ADAMTS3: variants seen among roughly 807,000 people sequenced by gnomAD.
ADAMTS3 encodes the protein A disintegrin and metalloproteinase with thrombospondin motifs 3.
ADAMTS3 carries 73 observed loss-of-function variants against 129.0 expected under a neutral mutation model. The ratio of observed to expected loss-of-function variants is 0.57; its 90% CI spans 0.47 to 0.69. The LOEUF is 0.69. Among genes scored for constraint, ADAMTS3 ranks in the 30% least tolerant of loss-of-function variants. ADAMTS3 has a pLI of 0.00. For synonymous variants in ADAMTS3, 477 were observed against 510.8 expected (o/e 0.93, Z 0.89); for missense variants, 1,457 against 1,514.5 (o/e 0.96, Z 0.63).
At chr4:72,297,851 A>G (rs1251828059) in intron 18 of ADAMTS3, among the ~76,000 whole-genome samples, 3 of 152,192 alleles carry the variant, frequency 2.0e-5, no homozygotes, top group Admixed American at 2.0e-4. Flanking sequence ...TTTCAAATAC[A>G]TAGCATAGTC....
chr4:72,537,601 TACAA>T (rs1194742449), intron 3 of ADAMTS3, among the ~76,000 whole-genome samples: 3 of 151,680 alleles, frequency 2.0e-5, no homozygotes, highest in Non-Finnish European at 2.9e-5. Flanking sequence ...CTACAACAAC[TACAA>T]ACAAATAAAC....
intron 2 of ADAMTS3, among the ~76,000 whole-genome samples, chr4:72,563,863 A>C (rs1304954296): frequency 1.3e-5 from 2 of 152,166 alleles, no homozygotes; most frequent in Non-Finnish European, 1.5e-5. Context: ...GCACTGTTTT[A>C]TGTACTAGAG....
chr4:72,538,331 A>G (rs541384487), intron 3 of ADAMTS3, among the ~76,000 whole-genome samples: 1 of 152,328 alleles, frequency 6.6e-6, no homozygotes, highest in Non-Finnish European at 1.5e-5. Context: ...CTCATACCAA[A>G]ATACATTGTA....
At chr4:72,421,998 A>G (rs1410331309) in intron 3 of ADAMTS3, among the ~76,000 whole-genome samples, 1 of 152,188 alleles carries the variant, frequency 6.6e-6, no homozygotes, top group African/African-American at 2.4e-5. Context: ...CTCAAAGACC[A>G]TGCACTGTCA....
In ADAMTS3 at chr4:72,305,861, C is replaced by G. The variant is rs555884906; in HGVS notation, c.2260+126G>C. 9 of 781,158 alleles carry G rather than the reference C, an allele frequency of 1.2e-5. No individual in the cohort carries two copies. In the South Asian group the frequency reaches 1.4e-4, roughly 13 times the overall value. 48.4% of individuals were successfully genotyped at this position (781,158 alleles called of 1,614,324 possible). A position where few individuals can be genotyped will look rare whatever the true frequency, so the allele number is the denominator to read the frequency against. ...GCACATGTACGTACATATACGTATG[C>G]ACATGTATGTACATATACGTATGCA... On this transcript the variant is annotated intron_variant, in intron 16 of 21. Coordinates refer to ENST00000286657, the MANE Select transcript of ADAMTS3 (RefSeq NM_014243.3).
chr4:72,558,734 T>C (rs968005393), intron 2 of ADAMTS3, among the ~76,000 whole-genome samples: 5 of 151,714 alleles, frequency 3.3e-5, no homozygotes, highest in African/African-American at 1.2e-4. Flanking sequence ...TCCTTTTTCT[T>C]TAACTGCACA....
intron 11 of ADAMTS3, among the ~76,000 whole-genome samples, chr4:72,315,137 T>G (rs542220701): frequency 7.9e-5 from 12 of 152,280 alleles, no homozygotes; most frequent in Non-Finnish European, 5.9e-5. Flanking sequence ...CTGGGCAACT[T>G]TCACAAGGAA....
chr4:72,353,408 T>C (rs1720494412), intron 4 of ADAMTS3, among the ~76,000 whole-genome samples: 1 of 152,054 alleles, frequency 6.6e-6, no homozygotes, highest in South Asian at 2.1e-4. Context: ...ATGGAGACAC[T>C]GTAAAAACAG....
chr4:72,472,863 GAC>G (rs1223247654), intron 3 of ADAMTS3, among the ~76,000 whole-genome samples: 1 of 152,086 alleles, frequency 6.6e-6, no homozygotes, highest in African/African-American at 2.4e-5. Flanking sequence ...TTCATGTTAA[GAC>G]ACAAGTCAAT....
intron 6 of ADAMTS3, among the ~76,000 whole-genome samples, chr4:72,321,326 C>G (rs1719549268): frequency 6.6e-6 from 1 of 150,572 alleles, no homozygotes; most frequent in Non-Finnish European, 1.5e-5. Flanking sequence ...CGCCCACCAC[C>G]ATTCCTGGCT....
At chr4:72,370,663 T>C (rs113609234) in intron 4 of ADAMTS3, among the ~76,000 whole-genome samples, 8,805 of 152,080 alleles carry the variant, frequency 0.058, 883 homozygotes, top group African/African-American at 0.2. Flanking sequence ...GGCAGAAGAA[T>C]TGCTTGAACC....
chr4:72,317,897 T>C (rs1719441625), intron 10 of ADAMTS3, among the ~76,000 whole-genome samples: 1 of 151,840 alleles, frequency 6.6e-6, no homozygotes, highest in South Asian at 2.1e-4. Flanking sequence ...GCGGTGGTGG[T>C]GCATGCCTGT....
chr4:72,446,098 GC>G (rs966946195), intron 3 of ADAMTS3, among the ~76,000 whole-genome samples: 4 of 151,608 alleles, frequency 2.6e-5, no homozygotes, highest in Non-Finnish European at 5.9e-5. Context: ...GACCTCAAGG[GC>G]CCCAGGACTT....
chr4:72,301,343 G>T (rs1290456875), intron 17 of ADAMTS3, among the ~76,000 whole-genome samples: 1 of 152,002 alleles, frequency 6.6e-6, no homozygotes, highest in Non-Finnish European at 1.5e-5. Context: ...AGAATGAAAA[G>T]ACAACCTATG....
intron 20 of ADAMTS3, among the ~76,000 whole-genome samples, chr4:72,290,325 G>A (rs968915925): frequency 2.3e-4 from 35 of 152,178 alleles, no homozygotes; most frequent in African/African-American, 7.2e-4. Flanking sequence ...GAACTGCCAG[G>A]AAAGGTACCA....
At chr4:72,541,529 G>C (rs1395548335) in intron 3 of ADAMTS3, among the ~76,000 whole-genome samples, 2 of 152,202 alleles carry the variant, frequency 1.3e-5, no homozygotes, top group Non-Finnish European at 2.9e-5. Context: ...GCGGAGGCCA[G>C]GGTGGAATGA....
chr4:72,402,902 A>G (rs865930243), intron 4 of ADAMTS3, among the ~76,000 whole-genome samples: 1 of 152,096 alleles, frequency 6.6e-6, no homozygotes, highest in South Asian at 2.1e-4. Flanking sequence ...TACGTTAATC[A>G]AAATATATTT....
intron 20 of ADAMTS3, 59 bp from the exon 21 acceptor site, chr4:72,288,927 C>G (rs370330341): frequency 5.6e-5 from 11 of 195,214 alleles, no homozygotes; most frequent in Non-Finnish European, 9.5e-5. Context: ...TGCACATACA[C>G]ACACACACAC....
intron 11 of ADAMTS3, among the ~76,000 whole-genome samples, chr4:72,315,355 C>T (rs1197096875): frequency 1.3e-5 from 2 of 152,092 alleles, no homozygotes; most frequent in African/African-American, 4.8e-5. Context: ...GAGATTATCC[C>T]AGATTATCCA....
Sources: allele counts gnomAD v4.1 joint callset (sites outside exome capture counted in the v4.1 genomes callset), GRCh38; gene constraint gnomAD v4.1.1; transcripts MANE v1.5; gene names NCBI Gene and HGNC (gene_info 2026-07-23, HGNC 2026-07-21).